The following FAM227B variants were observed in gnomAD, a reference collection of about 807,000 sequenced individuals.
FAM227B encodes the protein family with sequence similarity 227 member B.
Under a neutral mutation model 73.8 loss-of-function variants are expected in FAM227B, and 88 were observed. The ratio of observed to expected loss-of-function variants is 1.19; its 90% CI spans 1.00 to 1.42. FAM227B has a LOEUF of 1.42. Ranked by LOEUF, FAM227B falls within the 40% of genes most tolerant of loss-of-function variation. The pLI, the probability that FAM227B is intolerant of heterozygous loss-of-function variation, is 0.00. For synonymous variants in FAM227B, 210 were observed against 190.5 expected (o/e 1.10, Z -0.84); for missense variants, 632 against 590.9 (o/e 1.07, Z -0.72).
At chr15:49,344,601 T>C (rs981438302) in intron 13 of FAM227B, among the ~76,000 whole-genome samples, 23 of 152,316 alleles carry the variant, frequency 1.5e-4, no homozygotes, top group Middle Eastern at 3.4e-3. Flanking sequence ...GAAGGAAAGA[T>C]AGCCCTGGTC....
intron 11 of FAM227B, among the ~76,000 whole-genome samples, chr15:49,391,927 C>T (rs1378986586): frequency 1.3e-5 from 2 of 152,126 alleles, no homozygotes; most frequent in African/African-American, 2.4e-5. Context: ...AAATAAATGC[C>T]CTCCTTACTC....
intron 3 of FAM227B, among the ~76,000 whole-genome samples, chr15:49,596,752 T>C (rs1486125054): frequency 1.3e-5 from 2 of 151,980 alleles, no homozygotes; most frequent in Non-Finnish European, 2.9e-5. Flanking sequence ...AAGACTCACA[T>C]AAACTTAAGG....
At chr15:49,329,411 C>A (rs2038169613) in intron 15 of FAM227B, 1 of 984,694 alleles carries the variant, frequency 1.0e-6, no homozygotes, top group African/African-American at 1.7e-5. Flanking sequence ...ATGAATTATC[C>A]AAAAAAATAT....
chr15:49,502,397 G>C (rs1480757836), intron 11 of FAM227B, among the ~76,000 whole-genome samples: 1 of 152,252 alleles, frequency 6.6e-6, no homozygotes, highest in African/African-American at 2.4e-5. Context: ...CTTTGCACCA[G>C]TGTGCCCTAG....
At chr15:49,555,420 C>T (rs1046144860) in intron 9 of FAM227B, among the ~76,000 whole-genome samples, 1 of 152,178 alleles carries the variant, frequency 6.6e-6, no homozygotes, top group African/African-American at 2.4e-5. Context: ...GGAAGGTCTG[C>T]TGGTAAATTG....
intron 9 of FAM227B, among the ~76,000 whole-genome samples, chr15:49,560,962 G>C (rs1477970320): frequency 6.6e-6 from 1 of 151,984 alleles, no homozygotes; most frequent in Non-Finnish European, 1.5e-5. Context: ...AATAAAGCAA[G>C]TACATAATAG....
intron 10 of FAM227B, among the ~76,000 whole-genome samples, chr15:49,534,939 A>T (rs2060898005): frequency 6.6e-6 from 1 of 151,738 alleles, no homozygotes; most frequent in Non-Finnish European, 1.5e-5. Context: ...GATGCAGCAA[A>T]TGGAGTTCTG....
chr15:49,341,072 A>G (rs890938496), intron 13 of FAM227B, among the ~76,000 whole-genome samples: 2 of 152,040 alleles, frequency 1.3e-5, no homozygotes, highest in African/African-American at 4.8e-5. Context: ...TCACATAGTT[A>G]TAGGTGTGTG....
intron 3 of FAM227B, among the ~76,000 whole-genome samples, chr15:49,591,689 G>T (rs185219377): frequency 8.6e-5 from 13 of 151,978 alleles, no homozygotes; most frequent in African/African-American, 3.1e-4. Flanking sequence ...GTTTCACTAT[G>T]TTGGCCAGGC....
chr15:49,464,686 A>G (rs2054106402), intron 11 of FAM227B, among the ~76,000 whole-genome samples: 1 of 152,208 alleles, frequency 6.6e-6, no homozygotes, highest in South Asian at 2.1e-4. Context: ...ATGTTATCTT[A>G]ATGTGCAGTG....
chr15:49,520,657 G>T (rs1455819558), intron 10 of FAM227B, among the ~76,000 whole-genome samples: 6 of 152,128 alleles, frequency 3.9e-5, no homozygotes, highest in African/African-American at 1.4e-4. Flanking sequence ...AGGCGGAGCT[G>T]CCCTTTATAA....
intron 11 of FAM227B, among the ~76,000 whole-genome samples, chr15:49,392,820 T>C (rs1037765734): frequency 6.6e-6 from 1 of 152,206 alleles, no homozygotes; most frequent in Non-Finnish European, 1.5e-5. Flanking sequence ...CCTAATTATT[T>C]CAAATGGTCA....
At chr15:49,446,543 G>T (rs2052231457) in intron 11 of FAM227B, among the ~76,000 whole-genome samples, 1 of 151,452 alleles carries the variant, frequency 6.6e-6, no homozygotes, top group South Asian at 2.1e-4. Context: ...CCTGGTAAAG[G>T]TGCATTTGCT....
intron 10 of FAM227B, among the ~76,000 whole-genome samples, chr15:49,514,126 C>G (rs140276830): frequency 0.054 from 8,284 of 152,170 alleles, 324 homozygotes; most frequent in East Asian, 0.12. Context: ...TTTGCTAATT[C>G]TGTGAAGAAT....
chr15:49,537,542 G>A (rs1404069665), intron 10 of FAM227B, among the ~76,000 whole-genome samples: 1 of 152,062 alleles, frequency 6.6e-6, no homozygotes, highest in Non-Finnish European at 1.5e-5. Flanking sequence ...ACTACCATGT[G>A]ACCCAGCAAT....
chr15:49,361,494 T>C (rs2044233677), intron 13 of FAM227B, among the ~76,000 whole-genome samples: 1 of 152,112 alleles, frequency 6.6e-6, no homozygotes, highest in South Asian at 2.1e-4. Context: ...TGAGAACATG[T>C]GGTTTTAGTT....
chr15:49,577,309 C>CA (rs1258291798), intron 6 of FAM227B: 16 of 319,756 alleles, frequency 5.0e-5, no homozygotes, highest in Admixed American at 1.9e-4. Context: ...ACACCCCCTG[C>CA]AAAAAAAGAA....
At chr15:49,534,783 A>C (rs1223739802) in intron 10 of FAM227B, among the ~76,000 whole-genome samples, 1 of 151,840 alleles carries the variant, frequency 6.6e-6, no homozygotes, top group East Asian at 1.9e-4. Context: ...AGAAACTACA[A>C]GTTAATAATG....
chr15:49,512,622 G>C (rs967121569), intron 10 of FAM227B, among the ~76,000 whole-genome samples: 5 of 152,044 alleles, frequency 3.3e-5, no homozygotes, highest in African/African-American at 1.2e-4. Context: ...TACATGTGCA[G>C]AATGTGCAGG....
Sources: allele counts gnomAD v4.1 joint callset (sites outside exome capture counted in the v4.1 genomes callset), GRCh38; gene constraint gnomAD v4.1.1; transcripts MANE v1.5; gene names NCBI Gene and HGNC (gene_info 2026-07-23, HGNC 2026-07-21).